Variants in NRXN3 observed in about 807,000 individuals in gnomAD.
The protein encoded by NRXN3 is neurexin III.
In NRXN3, 32 loss-of-function variants were observed where a neutral mutation model predicts 137.6. That is an observed-to-expected ratio of 0.23 (90% CI 0.18 to 0.31). The LOEUF is 0.31. Among genes scored for constraint, NRXN3 ranks in the 10% least tolerant of loss-of-function variants. The pLI, the probability that NRXN3 is intolerant of heterozygous loss-of-function variation, is 1.00. For missense variants in NRXN3, 1,574 were observed against 2,062.5 expected, an observed-to-expected ratio of 0.76 and a Z score of 4.59; for synonymous variants, 798 against 784.5, an observed-to-expected ratio of 1.02 and a Z score of -0.29.
Position 78,645,170 on chromosome 14 carries a change from G to A in NRXN3, c.808G>A (p.Asp270Asn), listed in dbSNP as rs2097674757. The A allele has an allele frequency of 1.3e-6, 2 of 1,591,064 alleles. No homozygotes were observed. Among genetic ancestry groups the A allele is most frequent in the Middle Eastern group, 1.7e-4 (1 of 5,990 alleles). The change falls in exon 5 of 21, where the codon GAC (aspartate) becomes AAC (asparagine). Residue 270 changes from aspartate (D) to asparagine (N), a missense_variant. This residue lies in a region of NRXN3 where 400 missense variants were observed against 527.3 expected (regional missense o/e 0.76). Coordinates refer to ENST00000335750, the MANE Select transcript of NRXN3 (RefSeq NM_001330195.2). ...CCGAGGCTCAGAGTATCTGTGCTAC[G>A]ACCTGTCTCAGAACCCGATCCAGAG... ...TFRGSEYLCY[D>N]LSQNPIQSSS...
At chr14:79,236,245 A>G (rs560592427) in intron 15 of NRXN3, among the ~76,000 whole-genome samples, 2 of 152,146 alleles carry the variant, frequency 1.3e-5, no homozygotes, top group African/African-American at 2.4e-5. Context: ...TCACAAACTT[A>G]TACAAGAAAG....
intron 15 of NRXN3, among the ~76,000 whole-genome samples, chr14:79,045,975 A>G (rs949551121): frequency 1.3e-5 from 2 of 152,228 alleles, no homozygotes; most frequent in African/African-American, 2.4e-5. Flanking sequence ...AAAGATAAAT[A>G]TTTCAGGTGA....
rs930913595 is a variant in NRXN3, at chr14:79,864,413, C to T, written c.*2449C>T. ...ATATGCTTAGCAATAAAATGTTCTT[C>T]CCAAAACCTTGTATGCTGATGCACT... On this transcript the variant is annotated 3_prime_UTR_variant, in exon 21 of 21. Coordinates refer to ENST00000335750, the MANE Select transcript of NRXN3 (RefSeq NM_001330195.2). 3.3e-5 allele frequency: 5 copies of T among 152,576 alleles called. No individual in the cohort carries two copies. The highest frequency in any genetic ancestry group is 1.9e-4 in the East Asian group (1 of 5,178). The allele number at this position is 152,576 out of a possible 1,614,324, so 9.5% of individuals were successfully genotyped here.
chr14:79,258,534 GTTC>G (rs1293610794), intron 15 of NRXN3, among the ~76,000 whole-genome samples: 3 of 152,044 alleles, frequency 2.0e-5, no homozygotes, highest in East Asian at 1.9e-4. Context: ...AAAATAACCT[GTTC>G]TTCTTCAGTT....
In NRXN3 at chr14:79,606,477, G is replaced by A. The variant is rs1028001380; in HGVS notation, c.3445-57301G>A. ...AATTATCAGTAGCTGCTGGCATTAT[G>A]TGAGCATGCAAAAGTGGGAACAGCA... On this transcript the variant is annotated intron_variant, in intron 16 of 20. Coordinates refer to ENST00000335750, the MANE Select transcript of NRXN3 (RefSeq NM_001330195.2). Among the ~76,000 whole-genome samples, 7 of 152,180 alleles carry A rather than the reference G, an allele frequency of 4.6e-5. 1 individual carries two copies. In the South Asian group the frequency reaches 1.2e-3, roughly 27 times the overall value.
chr14:78,394,664 T>C (rs2091224740), intron 4 of NRXN3, among the ~76,000 whole-genome samples: 1 of 151,904 alleles, frequency 6.6e-6, no homozygotes, highest in Non-Finnish European at 1.5e-5. Context: ...AAATGTTTGG[T>C]AGAATATTCC....
intron 16 of NRXN3, among the ~76,000 whole-genome samples, chr14:79,503,620 C>G (rs1409032496): frequency 1.3e-5 from 2 of 152,172 alleles, no homozygotes; most frequent in African/African-American, 4.8e-5. Context: ...AGATGTTCTG[C>G]CTTCTGTTCC....
intron 15 of NRXN3, among the ~76,000 whole-genome samples, chr14:79,006,552 T>C (rs971263757): frequency 6.6e-6 from 1 of 151,828 alleles, no homozygotes; most frequent in Admixed American, 6.5e-5. Flanking sequence ...GATTTGATTA[T>C]TATTCCTTTA....
intron 8 of NRXN3, among the ~76,000 whole-genome samples, chr14:78,776,842 A>G (rs2098746316): frequency 6.6e-6 from 1 of 152,196 alleles, no homozygotes; most frequent in Non-Finnish European, 1.5e-5. Context: ...TCAGAGACCA[A>G]CTGGAGAGTG....
intron 15 of NRXN3, among the ~76,000 whole-genome samples, chr14:79,370,538 G>A (rs1279225308): frequency 6.6e-6 from 1 of 151,510 alleles, no homozygotes; most frequent in South Asian, 2.1e-4. Context: ...GGCTGGTCTC[G>A]AACTCCTGAC....
chr14:78,224,317 C>T (rs1231658031), intron 1 of NRXN3, among the ~76,000 whole-genome samples: 1 of 151,546 alleles, frequency 6.6e-6, no homozygotes, highest in East Asian at 1.9e-4. Context: ...GGTATATGTG[C>T]ACAATGTGCA....
At chr14:79,806,956 ATATATATTT>A (rs2099208986) in intron 20 of NRXN3, among the ~76,000 whole-genome samples, 1 of 64,062 alleles carries the variant, frequency 1.6e-5, no homozygotes, top group African/African-American at 6.6e-5. Flanking sequence ...ATATATATAT[ATATATATTT>A]TTTTTTTTTT....
chr14:79,405,814 A>G (rs1282915519), intron 15 of NRXN3, among the ~76,000 whole-genome samples: 1 of 152,088 alleles, frequency 6.6e-6, no homozygotes, highest in African/African-American at 2.4e-5. Flanking sequence ...TCTTCTTGTG[A>G]TTCTTATTAG....
intron 4 of NRXN3, among the ~76,000 whole-genome samples, chr14:78,591,356 CTG>C (rs1488082254): frequency 2.0e-5 from 3 of 152,300 alleles, no homozygotes; most frequent in South Asian, 2.1e-4. Context: ...GAACCCAAGA[CTG>C]TGTTTCTAAC....
chr14:78,778,731 TCTCTCTCTTTCTTTCTTTCC>T (rs2098754915), intron 8 of NRXN3, among the ~76,000 whole-genome samples: 1 of 135,642 alleles, frequency 7.4e-6, no homozygotes, highest in African/African-American at 2.9e-5. Flanking sequence ...TCTTTCTTTC[TCTCTCTCTTTCTTTCTTTCC>T]TTCTTTCTCT....
chr14:78,941,156 C>T, intron 10 of NRXN3, among the ~76,000 whole-genome samples: 1 of 152,152 alleles, frequency 6.6e-6, no homozygotes, highest in East Asian at 1.9e-4. Context: ...GGCACAATCA[C>T]TGGCCTCGTG....
At chr14:78,288,488 C>A (rs1014589480) in intron 3 of NRXN3, among the ~76,000 whole-genome samples, 1 of 152,150 alleles carries the variant, frequency 6.6e-6, no homozygotes, top group Non-Finnish European at 1.5e-5. Context: ...AGCTTGGGAT[C>A]ATTCTTTGAC....
intron 15 of NRXN3, among the ~76,000 whole-genome samples, chr14:79,110,790 A>T (rs577516108): frequency 1.3e-5 from 2 of 149,476 alleles, no homozygotes; most frequent in East Asian, 3.9e-4. Flanking sequence ...TTATTTATTT[A>T]TTTATTTTTT....
intron 15 of NRXN3, among the ~76,000 whole-genome samples, chr14:79,194,553 A>G (rs6574501): frequency 0.97 from 147,580 of 152,318 alleles, 71,668 homozygotes; most frequent in East Asian, 1. Context: ...AGTAAGAAAA[A>G]GGCAAAGATA....
Sources: allele counts gnomAD v4.1 joint callset (sites outside exome capture counted in the v4.1 genomes callset), GRCh38; gene constraint gnomAD v4.1.1; regional missense constraint gnomAD v4.1.1; transcripts MANE v1.5; gene names NCBI Gene and HGNC (gene_info 2026-07-23, HGNC 2026-07-21).